MTF2: variants seen among roughly 807,000 people sequenced by gnomAD.
MTF2 encodes metal-response element-binding transcription factor 2.
A neutral mutation model predicts 79.5 loss-of-function variants in MTF2; 11 were observed. The observed-to-expected ratio is 0.14, with a 90% CI of 0.09 to 0.23. MTF2 has a LOEUF of 0.23. Ranked by LOEUF, MTF2 falls within the 10% of genes least tolerant of loss-of-function variation. MTF2 has a pLI of 1.00. For missense variants in MTF2, 486 were observed against 711.2 expected, an observed-to-expected ratio of 0.68 and a Z score of 3.60; for synonymous variants, 208 against 232.8, an observed-to-expected ratio of 0.89 and a Z score of 0.97.
At chr1:93,093,721 A>T (rs962064504) in intron 1 of MTF2, among the ~76,000 whole-genome samples, 2 of 152,260 alleles carry the variant, frequency 1.3e-5, no homozygotes, top group East Asian at 3.9e-4. Flanking sequence ...CATTTTAGAG[A>T]TAGGGTCTCT....
At chr1:93,093,012 C>T (rs779304758) in intron 1 of MTF2, among the ~76,000 whole-genome samples, 1 of 151,924 alleles carries the variant, frequency 6.6e-6, no homozygotes, top group East Asian at 1.9e-4. Context: ...GAAATCCTGT[C>T]TCTACTAAAA....
chr1:93,129,557 G>GT, intron 11 of MTF2, 109 bp downstream of exon 11: 19 of 500,726 alleles, frequency 3.8e-5, no homozygotes, highest in South Asian at 7.3e-5. Flanking sequence ...CAGTTACTCT[G>GT]ATTTTTTTTT....
chr1:93,117,195 G>A (rs1281828869), intron 6 of MTF2, among the ~76,000 whole-genome samples: 1 of 152,104 alleles, frequency 6.6e-6, no homozygotes, highest in Non-Finnish European at 1.5e-5. Context: ...CCGTATCAAA[G>A]TTTGGAAATG....
intron 1 of MTF2, among the ~76,000 whole-genome samples, chr1:93,089,849 C>CT (rs368478215): frequency 0.79 from 113,717 of 144,248 alleles, 47,546 homozygotes; most frequent in East Asian, 0.93. Context: ...CTTGATTTTC[C>CT]TTTTTTTTTT....
intron 1 of MTF2, among the ~76,000 whole-genome samples, chr1:93,086,531 G>A (rs1654846923): frequency 6.6e-6 from 1 of 151,546 alleles, no homozygotes; most frequent in African/African-American, 2.4e-5. Context: ...AGGAAGAAGG[G>A]CAATTTTGGT....
chr1:93,107,901 C>T lies in MTF2; in HGVS notation c.6-2329C>T, dbSNP rs532289405. Reference sequence around the variant, plus strand: ...CCTCATATAGTCCTCCCACCCCAGACTCCTGAGTAGCTGGGACCACAGGCA... The same window carrying T: ...CCTCATATAGTCCTCCCACCCCAGATTCCTGAGTAGCTGGGACCACAGGCA... On this transcript the variant is annotated intron_variant, in intron 1 of 14. Transcript: ENST00000370298. Among the ~76,000 whole-genome samples the T allele has an allele frequency of 4.6e-5, 7 of 152,292 alleles. No homozygotes were observed. The South Asian group carries it at 1.2e-3, about 27-fold the overall frequency.
rs1557553611 is a variant in MTF2 at position 93,115,628 on chromosome 1, T to A, written c.632+10T>A. Reference sequence around the variant, plus strand: ...GTGGAGGCCCTGGAGAGTAAGTAAATACAGTTATGTAATTCCCTTTAAGTA... The same window carrying A: ...GTGGAGGCCCTGGAGAGTAAGTAAAAACAGTTATGTAATTCCCTTTAAGTA... On this transcript the variant is annotated intron_variant, in intron 6 of 14. Transcript: ENST00000370298. The A allele has an allele frequency of 6.5e-7, 1 of 1,536,338 alleles. No homozygotes were observed. The highest frequency in any genetic ancestry group is 8.8e-7 in the Non-Finnish European group (1 of 1,141,224).
chr1:93,120,301 GA>G (rs11414632), intron 8 of MTF2: 7,220 of 107,674 alleles, frequency 0.067, 15 homozygotes, highest in South Asian at 0.12. Context: ...CTGTCTCCAA[GA>G]AAAAAAAAAA....
intron 9 of MTF2, chr1:93,121,714 C>A: frequency 2.1e-6 from 2 of 946,824 alleles, no homozygotes; most frequent in Non-Finnish European, 2.5e-6. Flanking sequence ...GATTATCATA[C>A]AAATTTTTGT....
chr1:93,137,274 A>C lies in MTF2; in HGVS notation c.*247A>C. On this transcript the variant is annotated 3_prime_UTR_variant, in exon 15 of 15. Transcript: ENST00000370298. ...ATCTTAAGATTTGTAGAATGTTTCT[A>C]GGATAGGATATTAAAAATGATTGAA... The C allele has an allele frequency of 3.0e-6, 1 of 336,842 alleles. No individual in the cohort carries two copies. Among genetic ancestry groups the C allele is most frequent in the Middle Eastern group, 8.6e-4 (1 of 1,168 alleles). 20.9% of individuals were successfully genotyped at this position (336,842 alleles called of 1,614,324 possible). A position where few individuals can be genotyped will look rare whatever the true frequency, so the allele number is the denominator to read the frequency against.
chr1:93,125,917 C>T (rs1656677145), intron 9 of MTF2, among the ~76,000 whole-genome samples: 2 of 151,952 alleles, frequency 1.3e-5, no homozygotes, highest in Non-Finnish European at 1.5e-5. Context: ...TTAGTTGGTG[C>T]CTTATCAGCT....
At chr1:93,085,476 C>CTTT (rs71094225) in intron 1 of MTF2, among the ~76,000 whole-genome samples, 1 of 99,588 alleles carries the variant, frequency 1.0e-5, no homozygotes, top group Non-Finnish European at 2.0e-5. Flanking sequence ...TGCACCCGGC[C>CTTT]TTTTTTTTTT....
chr1:93,134,951 G>C (rs1647324904), intron 14 of MTF2, among the ~76,000 whole-genome samples: 1 of 151,682 alleles, frequency 6.6e-6, no homozygotes, highest in Non-Finnish European at 1.5e-5. Context: ...CAGCCCTTCA[G>C]AAGGACAACG....
At chr1:93,101,752 G>T (rs1655556423) in intron 1 of MTF2, among the ~76,000 whole-genome samples, 1 of 151,168 alleles carries the variant, frequency 6.6e-6, no homozygotes, top group African/African-American at 2.4e-5. Context: ...TGATTTCAAA[G>T]AAATATTTTG....
chr1:93,116,675 A>C (rs1656261782), intron 6 of MTF2, among the ~76,000 whole-genome samples: 1 of 151,734 alleles, frequency 6.6e-6, no homozygotes, highest in South Asian at 2.1e-4. Context: ...TAGTTTTTTA[A>C]GTTTTTTTGT....
chr1:93,136,759 G>A lies in MTF2; in HGVS notation c.1514G>A (p.Arg505Lys). The A allele has an allele frequency of 6.2e-7, 1 of 1,614,162 alleles. No homozygotes were observed. The highest frequency in any genetic ancestry group is 8.5e-7 in the Non-Finnish European group (1 of 1,180,032). The change falls in exon 15 of 15, where the codon AGA (arginine) becomes AAA (lysine). Residue 505 changes from arginine (R) to lysine (K), a missense_variant. This residue lies in a region of MTF2 where 209 missense variants were observed against 206.5 expected (regional missense o/e 1.01). Transcript: ENST00000370298. ...HLRRRRGRLP[R>K]RALQTQNSEI... ...CGGAGAAGAAGAGGTCGTCTTCCAAGAAGAGCACTCCAGACTCAGAACTCA... is the reference window on the plus strand; with the variant it reads ...CGGAGAAGAAGAGGTCGTCTTCCAAAAAGAGCACTCCAGACTCAGAACTCA...
chr1:93,113,856 G>A (rs2101062702), intron 3 of MTF2, among the ~76,000 whole-genome samples: 1 of 152,154 alleles, frequency 6.6e-6, no homozygotes, highest in South Asian at 2.1e-4. Flanking sequence ...CACAGTGCTT[G>A]GCCCATAGCA....
At chr1:93,113,484 A>G (rs1403858792) in intron 3 of MTF2, among the ~76,000 whole-genome samples, 1 of 152,144 alleles carries the variant, frequency 6.6e-6, no homozygotes, top group Non-Finnish European at 1.5e-5. Flanking sequence ...TCCCCCTCCA[A>G]AAAAAGAAAA....
intron 1 of MTF2, among the ~76,000 whole-genome samples, chr1:93,105,143 CAAAAAA>C (rs11372021): frequency 5.4e-5 from 6 of 110,504 alleles, no homozygotes; most frequent in African/African-American, 1.8e-4. Flanking sequence ...GACTCCGTCT[CAAAAAA>C]AAAAAAAAAA....
Sources: allele counts gnomAD v4.1 joint callset (sites outside exome capture counted in the v4.1 genomes callset), GRCh38; gene constraint gnomAD v4.1.1; regional missense constraint gnomAD v4.1.1; transcripts MANE v1.5; gene names NCBI Gene and HGNC (gene_info 2026-07-23, HGNC 2026-07-21).